The following PTPRM variants were observed in gnomAD, a reference collection of about 807,000 sequenced individuals.
The protein encoded by PTPRM is protein tyrosine phosphatase receptor type M, also known as receptor-type tyrosine-protein phosphatase mu.
In PTPRM, 47 loss-of-function variants were observed where a neutral mutation model predicts 186.7. The ratio of observed to expected loss-of-function variants is 0.25; its 90% CI spans 0.20 to 0.32. PTPRM has a LOEUF of 0.32. PTPRM is among the 10% of genes least tolerant of loss of function. PTPRM has a pLI of 1.00. For missense variants in PTPRM, 1,494 were observed against 1,865.0 expected, an observed-to-expected ratio of 0.80 and a Z score of 3.66; for synonymous variants, 668 against 674.9, an observed-to-expected ratio of 0.99 and a Z score of 0.16.
intron 2 of PTPRM, among the ~76,000 whole-genome samples, chr18:7,811,503 A>G (rs1251938407): frequency 6.6e-6 from 1 of 152,166 alleles, no homozygotes; most frequent in African/African-American, 2.4e-5. Context: ...GAATACTGGC[A>G]TGTACCACCA....
chr18:7,859,774 C>G (rs1299589009), intron 2 of PTPRM, among the ~76,000 whole-genome samples: 1 of 152,136 alleles, frequency 6.6e-6, no homozygotes, highest in Non-Finnish European at 1.5e-5. Context: ...GGACTGTGTG[C>G]AGATTCAGGG....
At position 8,387,061 on chromosome 18, in the gene PTPRM, G is replaced by A; in HGVS notation, c.4045-11G>A. 3.1e-6 allele frequency: 5 copies of A among 1,592,068 alleles called. No individual in the cohort carries two copies. Among genetic ancestry groups the A allele is most frequent in the Non-Finnish European group, 4.3e-6 (5 of 1,160,698 alleles). ...CTTTCCACTCCCCGATTGTTGCCTT[G>A]TTCTTCGTAGCCCCAAGATGGATAT... On this transcript the variant is annotated splice_polypyrimidine_tract_variant and intron_variant, in intron 30 of 32. Transcript: ENST00000580170.
chr18:8,004,705 T>C (rs2084073407), intron 7 of PTPRM, among the ~76,000 whole-genome samples: 1 of 152,078 alleles, frequency 6.6e-6, no homozygotes, highest in Admixed American at 6.6e-5. Context: ...ACAATTACTT[T>C]TGCACCAACC....
chr18:8,335,115 T>A (rs2095431521), intron 22 of PTPRM, among the ~76,000 whole-genome samples: 1 of 152,238 alleles, frequency 6.6e-6, no homozygotes, highest in Admixed American at 6.5e-5. Flanking sequence ...CTTCCACTCC[T>A]AAAATCTGAA....
chr18:8,381,393 C>G (rs936258631), intron 29 of PTPRM, among the ~76,000 whole-genome samples: 1 of 149,750 alleles, frequency 6.7e-6, no homozygotes, highest in East Asian at 2.0e-4. Flanking sequence ...TGAAGCATTT[C>G]GGCATCCCAA....
intron 1 of PTPRM, among the ~76,000 whole-genome samples, chr18:7,717,539 G>A (rs582641): frequency 0.64 from 96,723 of 152,144 alleles, 32,618 homozygotes; most frequent in East Asian, 0.99. Context: ...ACAAAAGCTC[G>A]GGATCCATTA....
chr18:7,568,007 G>A lies in PTPRM; in HGVS notation c.73+116G>A. 4 of 1,015,736 alleles carry A rather than the reference G, an allele frequency of 3.9e-6. No individual in the cohort carries two copies. Among genetic ancestry groups the A allele is most frequent in the Non-Finnish European group, 5.2e-6 (4 of 772,536 alleles). The allele number at this position is 1,015,736 out of a possible 1,614,324, so 62.9% of individuals were successfully genotyped here. ...GGCTGGCGTCGGGGCCGGGCGGGGG[G>A]CGCGGCGGGCCGGACACCGCTTCTG... On this transcript the variant is annotated intron_variant, in intron 1 of 32. Transcript: ENST00000580170. This position sits in a 1 kb window ranked among gnomAD's most constrained non-coding sequence, Gnocchi z 5.1.
chr18:8,290,565 T>G (rs919498919), intron 19 of PTPRM, among the ~76,000 whole-genome samples: 41 of 152,124 alleles, frequency 2.7e-4, no homozygotes, highest in African/African-American at 8.7e-4. Context: ...AAAAACATGT[T>G]TCCTATTCAG....
At position 8,337,511 on chromosome 18, in the gene PTPRM, G is replaced by A. The variant is rs114626095; in HGVS notation, c.2957-5912G>A. Among the ~76,000 whole-genome samples, 554 of 152,294 alleles carry A rather than the reference G, an allele frequency of 3.6e-3. 3 individuals carry two copies. The highest frequency in any genetic ancestry group is 0.012 in the African/African-American group (510 of 41,550). On this transcript the variant is annotated intron_variant, in intron 22 of 32. Transcript: ENST00000580170. ...TAGGCTGAGTGCTTAACTGCTGCACGCAGGGGTGGCCACTCATACCCACTG... is the reference window on the plus strand; with the variant it reads ...TAGGCTGAGTGCTTAACTGCTGCACACAGGGGTGGCCACTCATACCCACTG...
chr18:7,872,324 C>T (rs1181941406), intron 2 of PTPRM, among the ~76,000 whole-genome samples: 1 of 152,224 alleles, frequency 6.6e-6, no homozygotes, highest in Non-Finnish European at 1.5e-5. Flanking sequence ...CTTCCCACTT[C>T]CTCATATCAC....
chr18:8,050,849 T>C (rs536890374), intron 7 of PTPRM, among the ~76,000 whole-genome samples: 26 of 152,224 alleles, frequency 1.7e-4, no homozygotes, highest in African/African-American at 6.3e-4. Flanking sequence ...GCTCTCTTCC[T>C]CCTGATGTGA....
At chr18:8,073,880 G>A (rs981633189) in intron 8 of PTPRM, among the ~76,000 whole-genome samples, 22 of 152,244 alleles carry the variant, frequency 1.4e-4, no homozygotes, top group Middle Eastern at 3.4e-3. Flanking sequence ...ACTCCAGCCC[G>A]GATGACAGAG....
At chr18:7,869,478 G>A (rs547029252) in intron 2 of PTPRM, among the ~76,000 whole-genome samples, 1 of 152,176 alleles carries the variant, frequency 6.6e-6, no homozygotes, top group South Asian at 2.1e-4. Flanking sequence ...TGCGCTTCCC[G>A]GGAGGCAATG....
At chr18:8,352,221 G>T (rs111777921) in intron 23 of PTPRM, among the ~76,000 whole-genome samples, 119 of 152,330 alleles carry the variant, frequency 7.8e-4, no homozygotes, top group African/African-American at 2.7e-3. Flanking sequence ...GACTCATTCT[G>T]CCTGTGGCAA....
intron 4 of PTPRM, among the ~76,000 whole-genome samples, chr18:7,921,524 G>A (rs903197958): frequency 6.6e-6 from 1 of 151,954 alleles, no homozygotes. Context: ...GGGACTACAG[G>A]CGCCTGCCAC....
At chr18:7,582,457 C>A (rs995784133) in intron 1 of PTPRM, among the ~76,000 whole-genome samples, 9 of 152,148 alleles carry the variant, frequency 5.9e-5, no homozygotes, top group African/African-American at 2.2e-4. Context: ...TCACTTCCAC[C>A]TCTTCTCCTG....
rs182055915 is a variant in PTPRM, at chr18:7,649,272, G to A, written c.73+81381G>A. Among the ~76,000 whole-genome samples, 75 of 152,292 alleles carry A rather than the reference G, an allele frequency of 4.9e-4. 1 individual carries two copies. The highest frequency in any genetic ancestry group is 1.8e-3 in the African/African-American group (74 of 41,576). On this transcript the variant is annotated intron_variant, in intron 1 of 32. Transcript: ENST00000580170. ...TGACAATGCACCTGGTCACACAAGA[G>A]CTCTGCTGGAGATGTACAAGGAGAT...
At chr18:7,760,558 A>C (rs1281910428) in intron 1 of PTPRM, among the ~76,000 whole-genome samples, 1 of 152,172 alleles carries the variant, frequency 6.6e-6, no homozygotes, top group East Asian at 1.9e-4. Flanking sequence ...TCAGTGATCC[A>C]AGTCATCATG....
intron 13 of PTPRM, among the ~76,000 whole-genome samples, chr18:8,136,086 G>T (rs78760662): frequency 0.044 from 6,722 of 152,206 alleles, 218 homozygotes; most frequent in Middle Eastern, 0.17. Context: ...AGAGACAGTA[G>T]GTTTCCATTT....
Sources: allele counts gnomAD v4.1 joint callset (sites outside exome capture counted in the v4.1 genomes callset), GRCh38; gene constraint gnomAD v4.1.1; non-coding constraint Gnocchi (gnomAD v3.1); transcripts MANE v1.5; gene names NCBI Gene and HGNC (gene_info 2026-07-23, HGNC 2026-07-21).